Variants in TENM3 observed in about 807,000 individuals in gnomAD.
TENM3 encodes teneurin transmembrane protein 3.
In TENM3, 63 loss-of-function variants were observed where a neutral mutation model predicts 255.1. That is an observed-to-expected ratio of 0.25 (90% CI 0.20 to 0.30). TENM3 has a LOEUF of 0.30. Ranked by LOEUF, TENM3 falls within the 10% of genes least tolerant of loss-of-function variation. TENM3 has a pLI of 1.00. For missense variants in TENM3, 2,929 were observed against 3,461.1 expected (o/e 0.85, Z 3.86); for synonymous variants, 1,306 against 1,322.3 (o/e 0.99, Z 0.27).
At chr4:181,617,630 C>T in the TENM3 span, among the ~76,000 whole-genome samples, 1 of 152,178 alleles carries the variant, frequency 6.6e-6, no homozygotes, top group Non-Finnish European at 1.5e-5. Flanking sequence ...GTTCTATTTA[C>T]AATGGGAGGC....
At chr4:181,450,250 A>G in the TENM3 span, among the ~76,000 whole-genome samples, 191 of 152,186 alleles carry the variant, frequency 1.3e-3, 4 homozygotes, top group Non-Finnish European at 4.0e-4. Context: ...ATACATAACT[A>G]TAATTAATGA....
chr4:182,704,822 C>CTTTT (rs201275276), intron 12 of TENM3, among the ~76,000 whole-genome samples: 3 of 124,154 alleles, frequency 2.4e-5, no homozygotes, highest in African/African-American at 6.0e-5. Flanking sequence ...TACACACAAA[C>CTTTT]TTTTTTTTTT....
At chr4:182,189,537 CAAG>C (rs1753379290) in intron 1 of TENM3, among the ~76,000 whole-genome samples, 2 of 152,128 alleles carry the variant, frequency 1.3e-5, no homozygotes, top group African/African-American at 4.8e-5. Flanking sequence ...GACCTTGAGA[CAAG>C]AAGACTGATG....
chr4:182,517,309 A>G (rs1211240339), intron 3 of TENM3, among the ~76,000 whole-genome samples: 1 of 152,056 alleles, frequency 6.6e-6, no homozygotes, highest in Non-Finnish European at 1.5e-5. Context: ...CGGTAGCACT[A>G]GAATTCAGCA....
chr4:182,605,347 C>A (rs1331190420), intron 4 of TENM3, among the ~76,000 whole-genome samples: 1 of 151,916 alleles, frequency 6.6e-6, no homozygotes, highest in African/African-American at 2.4e-5. Flanking sequence ...ACACAGGGTA[C>A]CTGTGGGGAA....
chr4:181,534,473 C>G, the TENM3 span, among the ~76,000 whole-genome samples: 591 of 151,544 alleles, frequency 3.9e-3, 1 homozygote, highest in African/African-American at 5.7e-3. Context: ...TCTTCCCCCC[C>G]CCCACAGAAA....
chr4:182,333,452 T>C (rs955865757), intron 2 of TENM3, among the ~76,000 whole-genome samples: 2 of 152,136 alleles, frequency 1.3e-5, no homozygotes, highest in Non-Finnish European at 2.9e-5. Flanking sequence ...TCTACTAACA[T>C]AATTAGATTA....
intron 13 of TENM3, 49 bp downstream of exon 13, chr4:182,714,282 G>T: frequency 2.1e-6 from 2 of 932,256 alleles, no homozygotes; most frequent in Non-Finnish European, 3.0e-6. Context: ...GCACAGGTTC[G>T]TAAGTGACAG....
chr4:181,571,638 C>G, the TENM3 span, among the ~76,000 whole-genome samples: 1 of 152,158 alleles, frequency 6.6e-6, no homozygotes, highest in African/African-American at 2.4e-5. Flanking sequence ...GTGCCTGGCC[C>G]TGTTTTAATT....
chr4:182,714,469 G>T (rs1759003021), intron 13 of TENM3, among the ~76,000 whole-genome samples: 1 of 152,150 alleles, frequency 6.6e-6, no homozygotes, highest in Non-Finnish European at 1.5e-5. Flanking sequence ...CCAAGCTACT[G>T]CATAATGTCC....
intron 1 of TENM3, among the ~76,000 whole-genome samples, chr4:182,151,108 G>A (rs1028712609): frequency 2.6e-5 from 4 of 152,074 alleles, no homozygotes; most frequent in African/African-American, 4.8e-5. Flanking sequence ...ACTCAAGAGC[G>A]TCTCCAGCAT....
the TENM3 span, among the ~76,000 whole-genome samples, chr4:181,926,747 G>C: frequency 6.6e-5 from 10 of 152,100 alleles, no homozygotes; most frequent in African/African-American, 2.4e-4. Context: ...GAACAGCTCC[G>C]GTCTGCAGCT....
chr4:182,046,576 TAATAAC>T, the TENM3 span, among the ~76,000 whole-genome samples: 1,699 of 148,772 alleles, frequency 0.011, 36 homozygotes, highest in African/African-American at 0.04. Context: ...ATAATAATAA[TAATAAC>T]AACCAGGTGT....
intron 1 of TENM3, among the ~76,000 whole-genome samples, chr4:182,316,129 C>A (rs901650236): frequency 1.3e-5 from 2 of 152,106 alleles, no homozygotes; most frequent in Admixed American, 6.5e-5. Context: ...TGGATGTCAA[C>A]CATGGTGGAT....
intron 3 of TENM3, among the ~76,000 whole-genome samples, chr4:182,563,020 G>A (rs1743369431): frequency 6.6e-6 from 1 of 152,110 alleles, no homozygotes; most frequent in South Asian, 2.1e-4. Flanking sequence ...TGTACTCACA[G>A]AATATGGAGA....
At chr4:181,588,825 A>C in the TENM3 span, among the ~76,000 whole-genome samples, 1 of 152,208 alleles carries the variant, frequency 6.6e-6, no homozygotes, top group Non-Finnish European at 1.5e-5. Flanking sequence ...TCAGTAGACC[A>C]TATCCTGTGG....
In TENM3 at chr4:182,373,955, TCAA is replaced by T. The variant is rs1767012070; in HGVS notation, c.511+27030_511+27032del. ...TTTACCTCGTTTCTTATTTATTCAC[TCAA>T]CAAACACAGCCAAGGCATTGTTTCT... On this transcript the variant is annotated intron_variant, in intron 3 of 27. Coordinates refer to ENST00000511685, the MANE Select transcript of TENM3 (RefSeq NM_001080477.4). Among the ~76,000 whole-genome samples the T allele has an allele frequency of 2.6e-5, 4 of 152,246 alleles. No homozygotes were observed. In the South Asian group the frequency reaches 8.3e-4, roughly 32 times the overall value.
the TENM3 span, among the ~76,000 whole-genome samples, chr4:181,962,211 C>CCT: frequency 6.6e-6 from 1 of 152,156 alleles, no homozygotes; most frequent in Non-Finnish European, 1.5e-5. Flanking sequence ...ATTCTAGTTG[C>CCT]CTCTCCCACT....
chr4:181,839,506 G>T, the TENM3 span, among the ~76,000 whole-genome samples: 1 of 146,314 alleles, frequency 6.8e-6, no homozygotes, highest in East Asian at 2.0e-4. Context: ...TAATACATAT[G>T]ATATATACTA....
Sources: gnomAD v4.1 joint callset for allele counts (sites outside exome capture counted in the v4.1 genomes callset) on GRCh38, gnomAD v4.1.1 for gene constraint, MANE v1.5 for transcripts, NCBI Gene and HGNC (gene_info 2026-07-23, HGNC 2026-07-21) for gene names.